Variants in EP400 observed in about 807,000 individuals in gnomAD.
The protein encoded by EP400 is E1A binding protein p400, also known as E1A-binding protein p400.
In EP400, 105 loss-of-function variants were observed where a neutral mutation model predicts 354.1. The observed-to-expected ratio is 0.30, with a 90% CI of 0.25 to 0.35. The LOEUF is 0.35. Among genes scored for constraint, EP400 ranks in the 10% least tolerant of loss-of-function variants. The probability of loss-of-function intolerance (pLI) is 1.00; values close to 1 mark genes in which losing one functional copy is unlikely to be tolerated. For missense variants in EP400, 3,280 were observed against 4,121.0 expected, an observed-to-expected ratio of 0.80 and a Z score of 5.59; for synonymous variants, 1,646 against 1,716.9, an observed-to-expected ratio of 0.96 and a Z score of 1.02.
intron 43 of EP400, among the ~76,000 whole-genome samples, 163 bp downstream of exon 43, chr12:132,053,760 C>T (rs929380433): frequency 6.6e-6 from 1 of 152,216 alleles, no homozygotes; most frequent in Admixed American, 6.5e-5. Context: ...TAGTCTCATC[C>T]CAGAGGAATT....
Position 132,067,103 on chromosome 12 carries a change from C to T in EP400, c.8749+134C>T, listed in dbSNP as rs1219421104. ...TTGAGCGTGCCATCACGTGTTCTAG[C>T]ACAAACGTGCCTTGGCGCTTTCCAG... On this transcript the variant is annotated intron_variant, in intron 49 of 52. Transcript: ENST00000389561. The surrounding 1 kb of genome is among the most constrained non-coding windows in gnomAD (Gnocchi z 5.3). 2.4e-6 allele frequency: 3 copies of T among 1,249,776 alleles called. No homozygotes were observed. Among genetic ancestry groups the T allele is most frequent in the Non-Finnish European group, 3.2e-6 (3 of 931,968 alleles). The allele number at this position is 1,249,776 out of a possible 1,614,324, so 77.4% of individuals were successfully genotyped here. A position where few individuals can be genotyped will look rare whatever the true frequency, so the allele number is the denominator to read the frequency against.
chr12:132,039,177 G>A (rs1269887130), intron 32 of EP400, among the ~76,000 whole-genome samples: 1 of 152,078 alleles, frequency 6.6e-6, no homozygotes, highest in African/African-American at 2.4e-5. Context: ...ACATTACTCA[G>A]TTACTGAATA....
intron 22 of EP400, among the ~76,000 whole-genome samples, chr12:132,020,593 G>T (rs150109012): frequency 6.6e-6 from 1 of 152,174 alleles, no homozygotes; most frequent in Non-Finnish European, 1.5e-5. Context: ...TTTGAGGAAG[G>T]GTAGAGTAGA....
chr12:132,053,163 A>G lies in EP400; in HGVS notation c.7412A>G (p.Lys2471Arg), dbSNP rs770451610. Residue 2471 changes from lysine (K) to arginine (R), a missense_variant, in exon 42 of 53, where the codon AAG becomes AGG. By Grantham distance (26) the Lys-to-Arg change is conservative. Around this residue, in one of 20 missense-constraint regions of EP400, gnomAD observed 29 missense variants for 86.0 expected, o/e 0.34. Coordinates refer to ENST00000389561, the MANE Select transcript of EP400 (RefSeq NM_015409.5). ...TCTTTCAGTGGAATCAACTATGACA[A>G]GCCGCTGCCTCCCATCCAGGTGGCA... ...VLAESGINYDKPLPPIQVASL... is the reference protein window; with the variant it reads ...VLAESGINYDRPLPPIQVASL... The G allele has an allele frequency of 4.3e-6, 7 of 1,613,952 alleles. No individual in the cohort carries two copies. Among genetic ancestry groups the G allele is most frequent in the East Asian group, 2.2e-5 (1 of 44,872 alleles).
chr12:132,043,406 A>G lies in EP400; in HGVS notation c.6310A>G (p.Met2104Val), dbSNP rs141435279. The change falls in exon 33 of 53, where the codon ATG becomes GTG. Residue 2104 changes from methionine to valine, a missense_variant. This residue lies in a region of EP400 where 54 missense variants were observed against 41.3 expected (regional missense o/e 1.31). Transcript: ENST00000389561. ...TDALSSDSEN[M>V]PCDEEPSQLE... ...TGCTCTGTCATCAGACTCTGAGAAC[A>G]TGCCGTGTGATGAAGAACCATCCCA... 1.2e-6 allele frequency: 2 copies of G among 1,613,538 alleles called. No homozygotes were observed. The highest frequency in any genetic ancestry group is 1.3e-5 in the African/African-American group (1 of 74,918).
Position 132,018,161 on chromosome 12 carries a change from C to CTT in EP400, c.4111-43_4111-42dup, listed in dbSNP as rs34538440. The CTT allele has an allele frequency of 6.3e-7, 1 of 1,598,864 alleles. No individual in the cohort carries two copies. Among genetic ancestry groups the CTT allele is most frequent in the Non-Finnish European group, 8.5e-7 (1 of 1,176,038 alleles). On this transcript the variant is annotated intron_variant, in intron 20 of 52. Transcript: ENST00000389561. The surrounding 1 kb of genome is among the most constrained non-coding windows in gnomAD (Gnocchi z 4.0). ...AGAAATCAGTTTTGATTCTTAGGTG[C>CTT]TTTTTTTGCCTCTTCATGCAGCAAG...
In EP400 at chr12:132,077,999, TTG is replaced by T. The variant is rs919056832; in HGVS notation, c.*329_*330del. On this transcript the variant is annotated 3_prime_UTR_variant, in exon 53 of 53. Transcript: ENST00000389561. Reference sequence around the variant, plus strand: ...GTTCTGAAAGCCATTTAGAATTTCTTTGTGAGCATGTAGTGCTTTGCACGCCA... The same window carrying T: ...GTTCTGAAAGCCATTTAGAATTTCTTTGAGCATGTAGTGCTTTGCACGCCA... 7 of 305,362 alleles carry T rather than the reference TTG, an allele frequency of 2.3e-5. No individual in the cohort carries two copies. Among genetic ancestry groups the T allele is most frequent in the Admixed American group, 1.9e-4 (4 of 21,230 alleles). The allele number at this position is 305,362 out of a possible 1,614,324, so 18.9% of individuals were successfully genotyped here. A position where few individuals can be genotyped will look rare whatever the true frequency, so the allele number is the denominator to read the frequency against.
At chr12:131,987,948 C>G (rs1384419531) in intron 7 of EP400, 58 bp downstream of exon 7, 5 of 1,366,618 alleles carry the variant, frequency 3.7e-6, no homozygotes, top group Admixed American at 2.5e-5. Context: ...CTTGAGTTTG[C>G]AGTGGTGTAA....
chr12:132,021,279 CAG>C lies in EP400; in HGVS notation c.4651_4652del (p.Arg1551AlafsTer192). On this transcript the variant is annotated frameshift_variant, in exon 23 of 53. Transcript: ENST00000389561. LOFTEE classifies it high-confidence loss of function. ...SHAAGQSALP[Q>X]RLVLPSQAQA... ...CGCGGCCGGGCAGAGCGCGCTGCCT[CAG>C]AGGCTGGTGCTCCCCTCGCAGGCCC... 6.5e-7 allele frequency: 1 copy of C among 1,529,936 alleles called. No homozygotes were observed. Among genetic ancestry groups the C allele is most frequent in the Non-Finnish European group, 8.7e-7 (1 of 1,144,382 alleles). The allele number at this position is 1,529,936 out of a possible 1,614,324, so 94.8% of individuals were successfully genotyped here. A position where few individuals can be genotyped will look rare whatever the true frequency, so the allele number is the denominator to read the frequency against.
intron 30 of EP400, among the ~76,000 whole-genome samples, chr12:132,033,066 GC>G (rs1565923111): frequency 6.6e-6 from 1 of 152,118 alleles, no homozygotes; most frequent in Admixed American, 6.5e-5. Flanking sequence ...TTCCGCCTCA[GC>G]CCCCCGAGGA....
In EP400 at chr12:132,032,166, G is replaced by T. The variant is rs1565922756; in HGVS notation, c.5951+17G>T. 1 of 1,604,848 alleles carries T rather than the reference G, an allele frequency of 6.2e-7. No homozygotes were observed. The highest frequency in any genetic ancestry group is 1.7e-5 in the Admixed American group (1 of 59,418). On this transcript the variant is annotated intron_variant, in intron 30 of 52. Coordinates refer to ENST00000389561, the MANE Select transcript of EP400 (RefSeq NM_015409.5). ...CATATACAGGTGAGGGCCTGCGGGGGATAGGATCAGGAGATGCAAAGACAT... is the reference window on the plus strand; with the variant it reads ...CATATACAGGTGAGGGCCTGCGGGGTATAGGATCAGGAGATGCAAAGACAT...
chr12:131,993,835 A>G (rs1414351561), intron 11 of EP400, among the ~76,000 whole-genome samples: 1 of 152,252 alleles, frequency 6.6e-6, no homozygotes. Context: ...CCCATTGCAT[A>G]TGCGGTCCAT....
In EP400 at chr12:131,990,788, T is replaced by C. The variant is rs1893007838; in HGVS notation, c.2629+74T>C. The C allele has an allele frequency of 8.8e-7, 1 of 1,132,756 alleles. No homozygotes were observed. Among genetic ancestry groups the C allele is most frequent in the East Asian group, 2.4e-5 (1 of 42,516 alleles). 70.2% of individuals were successfully genotyped at this position (1,132,756 alleles called of 1,614,324 possible). On this transcript the variant is annotated intron_variant, in intron 9 of 52. Coordinates refer to ENST00000389561, the MANE Select transcript of EP400 (RefSeq NM_015409.5). This position sits in a 1 kb window ranked among gnomAD's most constrained non-coding sequence, Gnocchi z 4.2. ...CGGATTCTTTTCTCAGCAGGCAGTC[T>C]CCTGGCGCTGTGGCTTCCCACAGAG...
rs757987853 is a variant in EP400 at position 132,023,849 on chromosome 12, C to T, written c.4763C>T (p.Thr1588Met). Residue 1588 changes from threonine to methionine, a missense_variant, in exon 24 of 53, where the codon ACG becomes ATG. Thr to Met is a moderately conservative substitution (Grantham distance 81). This residue lies in a region of EP400 where 25 missense variants were observed against 51.2 expected (regional missense o/e 0.49). Coordinates refer to ENST00000389561, the MANE Select transcript of EP400 (RefSeq NM_015409.5). ...GPQSRVAQPE[T>M]PVTLQFQGSK... ...CAGAGCCGCGTGGCTCAGCCAGAGA[C>T]GCCGGTGACACTGCAGTTCCAGGGC... The T allele has an allele frequency of 1.7e-5, 28 of 1,613,604 alleles. No homozygotes were observed. The highest frequency in any genetic ancestry group is 5.3e-5 in the African/African-American group (4 of 74,848).
intron 39 of EP400, 128 bp downstream of exon 39, chr12:132,046,028 T>C: frequency 4.1e-6 from 5 of 1,212,664 alleles, no homozygotes; most frequent in Non-Finnish European, 5.8e-6. Flanking sequence ...TGCGGTGAAG[T>C]CCATCTCCTT....
At chr12:132,059,754 G>A (rs1895625782) in intron 45 of EP400, among the ~76,000 whole-genome samples, 2 of 152,070 alleles carry the variant, frequency 1.3e-5, no homozygotes, top group Non-Finnish European at 1.5e-5. Context: ...GTGTCTCAAC[G>A]CCTGTAATCC....
At position 132,077,763 on chromosome 12, in the gene EP400, A is replaced by C; in HGVS notation, c.*90A>C. On this transcript the variant is annotated 3_prime_UTR_variant, in exon 53 of 53. Transcript: ENST00000389561. Reference sequence around the variant, plus strand: ...AGTGAACCTTGGGACCATGTCACGCAAGAGATTCAGCACTGGGAAAGATAT... The same window carrying C: ...AGTGAACCTTGGGACCATGTCACGCCAGAGATTCAGCACTGGGAAAGATAT... 7.1e-7 allele frequency: 1 copy of C among 1,403,310 alleles called. No homozygotes were observed. Among genetic ancestry groups the C allele is most frequent in the Non-Finnish European group, 9.5e-7 (1 of 1,057,748 alleles). 86.9% of individuals were successfully genotyped at this position (1,403,310 alleles called of 1,614,324 possible).
chr12:131,954,028 G>A (rs1301610947), intron 1 of EP400, among the ~76,000 whole-genome samples: 3 of 152,070 alleles, frequency 2.0e-5, no homozygotes, highest in Non-Finnish European at 4.4e-5. Context: ...CATGAGAATC[G>A]CTTGAGCCCA....
In EP400 at chr12:132,067,389, A is replaced by C; in HGVS notation, c.8777A>C (p.His2926Pro). The C allele has an allele frequency of 6.2e-7, 1 of 1,613,568 alleles. No individual in the cohort carries two copies. The highest frequency in any genetic ancestry group is 1.1e-5 in the South Asian group (1 of 91,076). ...AGQTVVAQPV[H>P]MQQLLKLKQQ... ...CAGACCGTGGTGGCCCAGCCCGTGC[A>C]CATGCAGCAGCTGCTGAAGCTGAAG... is the stretch of plus-strand genomic sequence containing the variant. The change falls in exon 50 of 53, where the codon CAC becomes CCC. Residue 2926 changes from histidine (H) to proline (P), a missense_variant. By Grantham distance (77) the His-to-Pro change is moderately conservative. Coordinates refer to ENST00000389561, the MANE Select transcript of EP400 (RefSeq NM_015409.5). The surrounding 1 kb of genome is among the most constrained non-coding windows in gnomAD (Gnocchi z 5.3).
Sources: gnomAD v4.1 joint callset for allele counts (sites outside exome capture counted in the v4.1 genomes callset) on GRCh38, gnomAD v4.1.1 for gene constraint, gnomAD v4.1.1 regional missense constraint, Gnocchi (gnomAD v3.1) non-coding constraint, MANE v1.5 for transcripts, NCBI Gene and HGNC (gene_info 2026-07-23, HGNC 2026-07-21) for gene names.